Variants in MGAM observed in about 807,000 individuals in gnomAD.
The protein encoded by MGAM is maltase-glucoamylase.
In MGAM, 253 loss-of-function variants were observed where a neutral mutation model predicts 358.8. The observed-to-expected ratio is 0.71, with a 90% CI of 0.64 to 0.78. The LOEUF (loss-of-function observed/expected upper bound fraction) is 0.78. MGAM is among the 30% of genes least tolerant of loss of function. MGAM has a pLI of 0.00. For missense variants in MGAM, 3,080 were observed against 3,432.6 expected (o/e 0.90, Z 2.57); for synonymous variants, 1,105 against 1,227.1 (o/e 0.90, Z 2.08).
rs1480740375 is a variant in MGAM, at chr7:142,085,508, G to A, written c.6508-325G>A. 1.4e-5 allele frequency among the ~76,000 whole-genome samples: 2 copies of A among 145,938 alleles called. 1 individual carries two copies. The highest frequency in any genetic ancestry group is 3.1e-5 in the Non-Finnish European group (2 of 64,492). On this transcript the variant is annotated intron_variant, in intron 54 of 70. Transcript: ENST00000475668. Reference sequence around the variant, plus strand: ...CTGATACCAGGGGCAGCCTCTTGAGGGAGGTCATCACAGTCACTCCTGATA... The same window carrying A: ...CTGATACCAGGGGCAGCCTCTTGAGAGAGGTCATCACAGTCACTCCTGATA...
chr7:142,097,710 A>G (rs7797154), intron 66 of MGAM, 61 bp downstream of exon 66: 270,456 of 1,512,104 alleles, frequency 0.18, 25,731 homozygotes, highest in South Asian at 0.27. Context: ...AAGGCTTTAG[A>G]TCTGATAGAC....
chr7:142,104,519 A>G (rs937824703), intron 70 of MGAM, among the ~76,000 whole-genome samples: 5 of 152,180 alleles, frequency 3.3e-5, no homozygotes, highest in Admixed American at 6.5e-5. Flanking sequence ...TTCTTCCACT[A>G]GTGTCTATGA....
intron 70 of MGAM, among the ~76,000 whole-genome samples, chr7:142,105,537 C>T (rs551872913): frequency 1.1e-4 from 16 of 152,320 alleles, no homozygotes; most frequent in Middle Eastern, 3.4e-3. Context: ...ATCCACCCAC[C>T]TGGGCCTCCC....
intron 1 of MGAM, among the ~76,000 whole-genome samples, chr7:141,998,459 A>G (rs1486478603): frequency 6.6e-6 from 1 of 152,040 alleles, no homozygotes; most frequent in African/African-American, 2.4e-5. Flanking sequence ...CCCCATGTCC[A>G]TGTGTTCTCA....
intron 10 of MGAM, among the ~76,000 whole-genome samples, chr7:142,028,116 A>G (rs1807136382): frequency 6.6e-6 from 1 of 152,080 alleles, no homozygotes; most frequent in Non-Finnish European, 1.5e-5. Flanking sequence ...TAGCATTTTA[A>G]TGCTTCTCAG....
At chr7:142,102,927 G>T (rs1409174857) in intron 69 of MGAM, among the ~76,000 whole-genome samples, 2 of 152,210 alleles carry the variant, frequency 1.3e-5, no homozygotes, top group Non-Finnish European at 2.9e-5. Flanking sequence ...TGGACGGGCA[G>T]TTTCTGTTAT....
chr7:142,027,899 A>G (rs1243841061), intron 10 of MGAM, among the ~76,000 whole-genome samples, 164 bp downstream of exon 10: 1 of 152,024 alleles, frequency 6.6e-6, no homozygotes, highest in East Asian at 1.9e-4. Context: ...TTGTTGGACC[A>G]GTAATTTTTT....
chr7:142,043,475 AT>A (rs1809352858), intron 21 of MGAM, among the ~76,000 whole-genome samples: 1 of 72,202 alleles, frequency 1.4e-5, no homozygotes, highest in Non-Finnish European at 2.4e-5. Context: ...ATATATACAT[AT>A]AATATCTAAA....
chr7:142,064,071 A>G (rs1401683221), intron 36 of MGAM, among the ~76,000 whole-genome samples: 4 of 152,220 alleles, frequency 2.6e-5, no homozygotes, highest in African/African-American at 9.6e-5. Context: ...AAGACGGATA[A>G]TGAGATCTTC....
intron 8 of MGAM, among the ~76,000 whole-genome samples, chr7:142,025,804 C>G (rs1235656272): frequency 2.6e-5 from 4 of 152,094 alleles, no homozygotes; most frequent in Non-Finnish European, 4.4e-5. Flanking sequence ...AAATAAAGAT[C>G]TGATTCTCCA....
At chr7:142,054,196 C>T (rs1811274425) in intron 26 of MGAM, among the ~76,000 whole-genome samples, 2 of 152,228 alleles carry the variant, frequency 1.3e-5, no homozygotes, top group African/African-American at 4.8e-5. Flanking sequence ...GCACACATCA[C>T]CCACGTGTTG....
chr7:142,057,867 A>G lies in MGAM; in HGVS notation c.3694-336A>G, dbSNP rs1266439598. ...GAAGAAACTGAAGCACTAAGAGATT[A>G]CTTAATTTTTGCCCAAGGTCACACA... On this transcript the variant is annotated intron_variant, in intron 30 of 70. Transcript: ENST00000475668. 2.6e-5 allele frequency among the ~76,000 whole-genome samples: 4 copies of G among 152,148 alleles called. No individual in the cohort carries two copies. In the East Asian group the frequency reaches 7.7e-4, roughly 29 times the overall value.
At chr7:142,022,212 T>TA in intron 6 of MGAM, 56 bp from the exon 7 acceptor site, 4 of 1,510,968 alleles carry the variant, frequency 2.6e-6, no homozygotes, top group Non-Finnish European at 3.6e-6. Context: ...TCTAAGCACT[T>TA]ACGTTCTCTC....
rs782706570 is a variant in MGAM, at chr7:142,036,151, G to T, written c.1960-18G>T. The T allele has an allele frequency of 4.7e-5, 73 of 1,559,388 alleles. No individual in the cohort carries two copies. Among genetic ancestry groups the T allele is most frequent in the South Asian group, 8.0e-5 (7 of 87,328 alleles). ...TAGAAGGAAGTGAGGTATACCTGTT[G>T]TCTGTGTGTCCTTCCAGGTGGGTCC... is the stretch of plus-strand genomic sequence containing the variant. On this transcript the variant is annotated intron_variant, in intron 16 of 70. Coordinates refer to ENST00000475668, the MANE Select transcript of MGAM (RefSeq NM_001365693.1).
At position 142,075,934 on chromosome 7, in the gene MGAM, G is replaced by A. The variant is rs369267723; in HGVS notation, c.5276-269G>A. 4.1e-4 allele frequency among the ~76,000 whole-genome samples: 60 copies of A among 146,070 alleles called. 2 individuals carry two copies. The highest frequency in any genetic ancestry group is 1.3e-3 in the African/African-American group (55 of 41,220). On this transcript the variant is annotated intron_variant, in intron 45 of 70. Transcript: ENST00000475668. ...CAATCCCATGAATTCCCACTTCTGG[G>A]TGTATATCCAGAGGACATGAAACCA...
Position 142,093,275 on chromosome 7 carries a change from C to G in MGAM, c.7034-137C>G, listed in dbSNP as rs10266961. The G allele has an allele frequency of 0.014, 16,063 of 1,185,590 alleles. 1,836 individuals are homozygous for G. In the African/African-American group the frequency reaches 0.19, roughly 14 times the overall value. The allele number at this position is 1,185,590 out of a possible 1,614,324, so 73.4% of individuals were successfully genotyped here. A position where few individuals can be genotyped will look rare whatever the true frequency, so the allele number is the denominator to read the frequency against. On this transcript the variant is annotated intron_variant, in intron 59 of 70. Coordinates refer to ENST00000475668, the MANE Select transcript of MGAM (RefSeq NM_001365693.1). ...AGCTCAGAGCTGGGGGCGCTGTGCT[C>G]ATGTCTCTGGGAAGACGGAGAGTGA...
At chr7:142,104,534 T>C (rs1563234051) in intron 70 of MGAM, among the ~76,000 whole-genome samples, 1 of 152,236 alleles carries the variant, frequency 6.6e-6, no homozygotes, top group Non-Finnish European at 1.5e-5. Flanking sequence ...CTATGAAGTT[T>C]TTTTCCTGAG....
At position 142,047,590 on chromosome 7, in the gene MGAM, G is replaced by A. The variant is rs191504004; in HGVS notation, c.2499-195G>A. On this transcript the variant is annotated intron_variant, in intron 21 of 70. Coordinates refer to ENST00000475668, the MANE Select transcript of MGAM (RefSeq NM_001365693.1). ...CATAGATGTTATTGTTAATGTTTGG[G>A]GTATTTCTATCTCTTGTGACACTGT... 1.1e-3 allele frequency among the ~76,000 whole-genome samples: 171 copies of A among 152,188 alleles called. 1 individual carries two copies. The highest frequency in any genetic ancestry group is 3.9e-3 in the African/African-American group (164 of 41,524).
upstream of MGAM, among the ~76,000 whole-genome samples, chr7:141,993,113 A>C (rs116578997): frequency 0.02 from 3,061 of 152,304 alleles, 97 homozygotes; most frequent in African/African-American, 0.069. Context: ...CTACTGTGAA[A>C]CGACTGTGAT....
Sources: gnomAD v4.1 joint callset for allele counts (sites outside exome capture counted in the v4.1 genomes callset) on GRCh38, gnomAD v4.1.1 for gene constraint, MANE v1.5 for transcripts, NCBI Gene and HGNC (gene_info 2026-07-23, HGNC 2026-07-21) for gene names.